Variants in CNTNAP2 observed in about 807,000 individuals in gnomAD.
The protein encoded by CNTNAP2 is contactin associated protein 2.
Under a neutral mutation model 155.2 loss-of-function variants are expected in CNTNAP2, and 98 were observed. The observed-to-expected ratio is 0.63, with a 90% CI of 0.54 to 0.75. CNTNAP2 has a LOEUF of 0.75. CNTNAP2 is among the 30% of genes least tolerant of loss of function. CNTNAP2 has a pLI of 0.00. For missense variants in CNTNAP2, 1,727 were observed against 1,688.1 expected (o/e 1.02, Z -0.40); for synonymous variants, 651 against 631.2 (o/e 1.03, Z -0.47).
At chr7:147,193,600 G>A (rs887504817) in intron 8 of CNTNAP2, among the ~76,000 whole-genome samples, 12 of 152,130 alleles carry the variant, frequency 7.9e-5, no homozygotes, top group Non-Finnish European at 1.8e-4. Flanking sequence ...GAGACTATAT[G>A]AGGTACATAA....
chr7:147,636,870 G>A (rs1273417573), intron 12 of CNTNAP2, among the ~76,000 whole-genome samples: 1 of 152,176 alleles, frequency 6.6e-6, no homozygotes, highest in Non-Finnish European at 1.5e-5. Flanking sequence ...GGAAGAGGAG[G>A]CAGAGAGCAG....
At chr7:148,263,172 C>T (rs1317744) in intron 20 of CNTNAP2, 15,963 of 152,196 alleles carry the variant, frequency 0.1, 1,302 homozygotes, top group African/African-American at 0.23. Context: ...TGCAGCTTCA[C>T]CTTTGTGAAT....
At chr7:147,391,144 CA>C (rs1796709626) in intron 9 of CNTNAP2, among the ~76,000 whole-genome samples, 1 of 152,160 alleles carries the variant, frequency 6.6e-6, no homozygotes, top group Non-Finnish European at 1.5e-5. Flanking sequence ...ACCACATATA[CA>C]ATGGTAGATT....
chr7:146,668,430 GTGTGTGTGT>G (rs1800236360), intron 1 of CNTNAP2, among the ~76,000 whole-genome samples: 1 of 23,920 alleles, frequency 4.2e-5, no homozygotes, highest in Non-Finnish European at 1.1e-4. Context: ...TAATTTTCCT[GTGTGTGTGT>G]GTGTGTGTGT....
In CNTNAP2 at chr7:147,275,629, C is replaced by T. The variant is rs112135821; in HGVS notation, c.1349-24512C>T. ...AGTGAACAGAGATAATTTAACAATT[C>T]CTTTTCCTGTTTGGATGCCTTTTAC... On this transcript the variant is annotated intron_variant, in intron 8 of 23. Coordinates refer to ENST00000361727, the MANE Select transcript of CNTNAP2 (RefSeq NM_014141.6). 2.6e-5 allele frequency among the ~76,000 whole-genome samples: 4 copies of T among 152,088 alleles called. 1 individual carries two copies. The highest frequency in any genetic ancestry group is 9.6e-5 in the African/African-American group (4 of 41,526).
At chr7:148,315,301 G>A (rs1585265751) in intron 21 of CNTNAP2, among the ~76,000 whole-genome samples, 1 of 152,152 alleles carries the variant, frequency 6.6e-6, no homozygotes, top group African/African-American at 2.4e-5. Context: ...AGTCCAAAAA[G>A]AGAGTCAGCA....
At chr7:146,595,023 A>G (rs998628898) in intron 1 of CNTNAP2, among the ~76,000 whole-genome samples, 1 of 152,062 alleles carries the variant, frequency 6.6e-6, no homozygotes, top group Non-Finnish European at 1.5e-5. Context: ...GTAAAATCCA[A>G]TTTTTAATGA....
At chr7:148,268,067 T>C (rs181002574) in intron 21 of CNTNAP2, among the ~76,000 whole-genome samples, 2 of 152,348 alleles carry the variant, frequency 1.3e-5, no homozygotes, top group East Asian at 1.9e-4. Context: ...CTAAAAAATG[T>C]ACCATGAGCC....
intron 4 of CNTNAP2, among the ~76,000 whole-genome samples, chr7:147,067,017 G>A (rs1400758073): frequency 6.6e-6 from 1 of 152,130 alleles, no homozygotes; most frequent in Non-Finnish European, 1.5e-5. Context: ...ACTAGGCTGG[G>A]CGCATTGGCT....
intron 8 of CNTNAP2, among the ~76,000 whole-genome samples, chr7:147,150,957 A>G (rs1563094621): frequency 2.6e-5 from 4 of 152,176 alleles, no homozygotes; most frequent in African/African-American, 9.7e-5. Flanking sequence ...AAAACCAAGA[A>G]ACAGAAAGCT....
intron 11 of CNTNAP2, among the ~76,000 whole-genome samples, chr7:147,520,653 T>C (rs1474680022): frequency 6.6e-6 from 1 of 152,200 alleles, no homozygotes; most frequent in East Asian, 1.9e-4. Flanking sequence ...TAAGAGAAGA[T>C]GACATAGGCC....
chr7:147,271,243 G>C (rs1303465604), intron 8 of CNTNAP2, among the ~76,000 whole-genome samples: 1 of 152,010 alleles, frequency 6.6e-6, no homozygotes, highest in Non-Finnish European at 1.5e-5. Flanking sequence ...AGAAGCAGCA[G>C]GAATAAGTGT....
chr7:147,789,955 C>G (rs1369231460), intron 13 of CNTNAP2, among the ~76,000 whole-genome samples: 1 of 152,314 alleles, frequency 6.6e-6, no homozygotes, highest in South Asian at 2.1e-4. Context: ...GGCTTCCTTG[C>G]TCCTCAGCTT....
chr7:147,817,295 A>T (rs369289852), intron 13 of CNTNAP2, among the ~76,000 whole-genome samples: 56 of 152,364 alleles, frequency 3.7e-4, no homozygotes, highest in Middle Eastern at 3.4e-3. Context: ...GACATTTTTG[A>T]AACCGTTAGA....
In CNTNAP2 at chr7:146,154,957, C is replaced by A. The variant is rs547665535; in HGVS notation, c.97+37984C>A. Among the ~76,000 whole-genome samples the A allele has an allele frequency of 3.9e-4, 60 of 152,222 alleles. 3 individuals are homozygous for A. In the South Asian group the frequency reaches 0.011, roughly 29 times the overall value. On this transcript the variant is annotated intron_variant, in intron 1 of 23. Transcript: ENST00000361727. ...TTGAAATTGTATATCTGGGATTTGC[C>A]CTCTACTGTCACTCATATTGTTCAT...
At chr7:146,827,662 G>A (rs897252311) in intron 2 of CNTNAP2, among the ~76,000 whole-genome samples, 5 of 151,930 alleles carry the variant, frequency 3.3e-5, no homozygotes, top group Admixed American at 2.6e-4. Flanking sequence ...ATGCATGCCA[G>A]GGATGAAAAA....
intron 3 of CNTNAP2, among the ~76,000 whole-genome samples, chr7:147,040,060 A>G (rs1799229008): frequency 6.6e-6 from 1 of 152,224 alleles, no homozygotes; most frequent in African/African-American, 2.4e-5. Context: ...TTTGCACCTG[A>G]CAAAGGTCTA....
intron 1 of CNTNAP2, among the ~76,000 whole-genome samples, chr7:146,628,652 A>G (rs1166191137): frequency 1.3e-5 from 2 of 152,116 alleles, no homozygotes; most frequent in African/African-American, 4.8e-5. Context: ...AAAGAAAACT[A>G]TGAACCCTTG....
At chr7:146,773,645 T>G (rs1802336578) in intron 1 of CNTNAP2, among the ~76,000 whole-genome samples, 1 of 152,166 alleles carries the variant, frequency 6.6e-6, no homozygotes, top group African/African-American at 2.4e-5. Flanking sequence ...CAACCCGCCT[T>G]GGCCTCCCAA....
Sources: allele counts gnomAD v4.1 joint callset (sites outside exome capture counted in the v4.1 genomes callset), GRCh38; gene constraint gnomAD v4.1.1; transcripts MANE v1.5; gene names NCBI Gene and HGNC (gene_info 2026-07-23, HGNC 2026-07-21).